The following TRAPPC9 variants were observed in gnomAD, a reference collection of about 807,000 sequenced individuals.
TRAPPC9 encodes trafficking protein particle complex subunit 9, also known as IKK2 binding protein.
Under a neutral mutation model 124.0 loss-of-function variants are expected in TRAPPC9, and 83 were observed. That is an observed-to-expected ratio of 0.67 (90% CI 0.56 to 0.80). TRAPPC9 has a LOEUF of 0.80. Ranked by LOEUF, TRAPPC9 falls within the 30% of genes least tolerant of loss-of-function variation. The pLI, the probability that TRAPPC9 is intolerant of heterozygous loss-of-function variation, is 0.00. For missense variants in TRAPPC9, 1,302 were observed against 1,508.3 expected (o/e 0.86, Z 2.27); for synonymous variants, 638 against 617.5 (o/e 1.03, Z -0.49).
intron 18 of TRAPPC9, among the ~76,000 whole-genome samples, chr8:139,991,372 T>G (rs1837633257): frequency 6.6e-6 from 1 of 152,156 alleles, no homozygotes. Flanking sequence ...TCTGATCTAG[T>G]GTTTCTATTC....
intron 21 of TRAPPC9, among the ~76,000 whole-genome samples, chr8:139,830,623 C>T (rs1403398014): frequency 1.3e-5 from 2 of 151,948 alleles, no homozygotes; most frequent in Non-Finnish European, 2.9e-5. Context: ...CGCATACACA[C>T]ACATGCATAC....
At chr8:140,107,716 A>G (rs574885358) in intron 17 of TRAPPC9, among the ~76,000 whole-genome samples, 28 of 152,356 alleles carry the variant, frequency 1.8e-4, no homozygotes, top group African/African-American at 6.7e-4. Flanking sequence ...CCTTGTGGCC[A>G]GGCCACAAGA....
intron 17 of TRAPPC9, among the ~76,000 whole-genome samples, chr8:140,052,136 G>A (rs1162298054): frequency 2.0e-5 from 3 of 151,910 alleles, no homozygotes; most frequent in Non-Finnish European, 4.4e-5. Context: ...GCATTCCAGG[G>A]TTTATAATGC....
chr8:140,228,541 G>A (rs1436154146), intron 16 of TRAPPC9, among the ~76,000 whole-genome samples: 2 of 152,206 alleles, frequency 1.3e-5, no homozygotes, highest in African/African-American at 4.8e-5. Flanking sequence ...AATGGCAACA[G>A]TCCACATTCC....
chr8:140,252,516 A>T lies in TRAPPC9; in HGVS notation c.2431+261T>A. The T allele has an allele frequency of 2.1e-6, 1 of 473,382 alleles. No individual in the cohort carries two copies. Among genetic ancestry groups the T allele is most frequent in the East Asian group, 3.8e-5 (1 of 26,236 alleles). The allele number at this position is 473,382 out of a possible 1,614,324, so 29.3% of individuals were successfully genotyped here. A position where few individuals can be genotyped will look rare whatever the true frequency, so the allele number is the denominator to read the frequency against. On this transcript the variant is annotated intron_variant, in intron 16 of 22. Transcript: ENST00000438773. This position sits in a 1 kb window ranked among gnomAD's most constrained non-coding sequence, Gnocchi z 4.2. ...ACGCAGTAATTCCTACATTCCACTA[A>T]TTTAGAATGACCTGCTGGTAAATGA...
rs372689711 is a variant in TRAPPC9, at chr8:139,902,962, A to G, written c.2964+7185T>C. The stretch of plus-strand genomic sequence containing the variant: ...TTACACTGTCCTGCTGGTGAAGCCC[A>G]AATAAAACTGACAAACACCGCCGCC... On this transcript the variant is annotated intron_variant, in intron 20 of 22. Coordinates refer to ENST00000438773, the MANE Select transcript of TRAPPC9 (RefSeq NM_001160372.4). Among the ~76,000 whole-genome samples, 11 of 152,322 alleles carry G rather than the reference A, an allele frequency of 7.2e-5. No individual in the cohort carries two copies. The South Asian group carries it at 2.3e-3, about 32-fold the overall frequency.
At chr8:140,424,742 C>T (rs1267757643) in intron 5 of TRAPPC9, among the ~76,000 whole-genome samples, 1 of 151,926 alleles carries the variant, frequency 6.6e-6, no homozygotes, top group Non-Finnish European at 1.5e-5. Context: ...ACACAAAGGC[C>T]TAGCTGCTAG....
intron 17 of TRAPPC9, among the ~76,000 whole-genome samples, chr8:140,057,868 T>A (rs1842379186): frequency 6.6e-6 from 1 of 152,128 alleles, no homozygotes; most frequent in Middle Eastern, 3.2e-3. Context: ...GAGAGCAAAC[T>A]CATACATGCA....
intron 16 of TRAPPC9, among the ~76,000 whole-genome samples, chr8:140,233,493 C>A (rs1402223922): frequency 1.3e-5 from 2 of 151,916 alleles, no homozygotes; most frequent in Non-Finnish European, 2.9e-5. Flanking sequence ...TGTGAGACAC[C>A]GTGCCCAGCC....
chr8:140,299,540 C>T (rs575690527), intron 11 of TRAPPC9, among the ~76,000 whole-genome samples: 5 of 152,376 alleles, frequency 3.3e-5, no homozygotes, highest in African/African-American at 4.8e-5. Context: ...TCACACTCCT[C>T]GGAGGCCCCG....
At chr8:140,426,096 A>C (rs1462606142) in intron 5 of TRAPPC9, among the ~76,000 whole-genome samples, 1 of 152,254 alleles carries the variant, frequency 6.6e-6, no homozygotes, top group African/African-American at 2.4e-5. Context: ...AAAATAATAG[A>C]GCTCATCATG....
At chr8:140,374,716 G>A (rs1482381018) in intron 7 of TRAPPC9, among the ~76,000 whole-genome samples, 1 of 152,182 alleles carries the variant, frequency 6.6e-6, no homozygotes, top group East Asian at 1.9e-4. Flanking sequence ...AGAGAAGGGG[G>A]CAGAGAAGAC....
intron 15 of TRAPPC9, among the ~76,000 whole-genome samples, chr8:140,255,867 C>A (rs934527449): frequency 6.6e-6 from 1 of 152,178 alleles, no homozygotes; most frequent in African/African-American, 2.4e-5. Flanking sequence ...GCCTGGGCAA[C>A]AAAGCGAGAC....
At position 140,230,428 on chromosome 8, in the gene TRAPPC9, G is replaced by A. The variant is rs529851447; in HGVS notation, c.2432-8845C>T. On this transcript the variant is annotated intron_variant, in intron 16 of 22. Coordinates refer to ENST00000438773, the MANE Select transcript of TRAPPC9 (RefSeq NM_001160372.4). ...GTTCAAGACCAGCCTGACCAACATGGTGAAACCCTGTCTCTACTAAAAATA... is the reference window on the plus strand; with the variant it reads ...GTTCAAGACCAGCCTGACCAACATGATGAAACCCTGTCTCTACTAAAAATA... Among the ~76,000 whole-genome samples, 6 of 152,206 alleles carry A rather than the reference G, an allele frequency of 3.9e-5. No individual in the cohort carries two copies. In the East Asian group the frequency reaches 1.2e-3, roughly 29 times the overall value.
chr8:140,008,977 G>GA (rs973537052), intron 18 of TRAPPC9, among the ~76,000 whole-genome samples: 4 of 152,022 alleles, frequency 2.6e-5, no homozygotes, highest in Admixed American at 1.3e-4. Flanking sequence ...AAAATAAACT[G>GA]AAAAAAATGA....
intron 17 of TRAPPC9, among the ~76,000 whole-genome samples, chr8:140,212,231 T>C (rs910771147): frequency 5.9e-5 from 9 of 152,210 alleles, no homozygotes; most frequent in Non-Finnish European, 1.3e-4. Context: ...TGCCCAGGGC[T>C]GGTAGATGCA....
intron 3 of TRAPPC9, among the ~76,000 whole-genome samples, chr8:140,435,993 A>G (rs1002193033): frequency 6.6e-6 from 1 of 152,210 alleles, no homozygotes; most frequent in Non-Finnish European, 1.5e-5. Context: ...ACACCTGTAG[A>G]TATTTACCAT....
chr8:140,421,655 C>T (rs1235409170), intron 5 of TRAPPC9, among the ~76,000 whole-genome samples: 2 of 152,026 alleles, frequency 1.3e-5, no homozygotes, highest in Non-Finnish European at 1.5e-5. Context: ...AGGCACTGTG[C>T]GAGGGAACAA....
intron 21 of TRAPPC9, among the ~76,000 whole-genome samples, chr8:139,853,163 C>T (rs370212299): frequency 2.0e-5 from 3 of 152,338 alleles, no homozygotes; most frequent in African/African-American, 7.2e-5. Flanking sequence ...CAGGCCTTCC[C>T]TGTTCCAGAT....
Sources: gnomAD v4.1 joint callset for allele counts (sites outside exome capture counted in the v4.1 genomes callset) on GRCh38, gnomAD v4.1.1 for gene constraint, Gnocchi (gnomAD v3.1) non-coding constraint, MANE v1.5 for transcripts, NCBI Gene and HGNC (gene_info 2026-07-23, HGNC 2026-07-21) for gene names.